NAPA: variants seen among roughly 807,000 people sequenced by gnomAD.
NAPA encodes NSF attachment protein alpha.
In NAPA, 18 loss-of-function variants were observed where a neutral mutation model predicts 48.0. That is an observed-to-expected ratio of 0.38 (90% CI 0.26 to 0.56). The LOEUF is 0.56. NAPA is among the 20% of genes least tolerant of loss of function. The pLI, the probability that NAPA is intolerant of heterozygous loss-of-function variation, is 0.77. For missense variants in NAPA, 315 were observed against 385.0 expected (o/e 0.82, Z 1.52); for synonymous variants, 152 against 149.9 (o/e 1.01, Z -0.10).
intron 9 of NAPA, among the ~76,000 whole-genome samples, chr19:47,490,059 A>T (rs1293434220): frequency 7.7e-6 from 1 of 129,948 alleles, no homozygotes; most frequent in Non-Finnish European, 1.7e-5. Context: ...TGTGTGGTGG[A>T]GGTGTGTGTG....
intron 1 of NAPA, among the ~76,000 whole-genome samples, chr19:47,509,590 C>A (rs967771632): frequency 1.3e-5 from 2 of 152,200 alleles, no homozygotes; most frequent in Admixed American, 1.3e-4. Flanking sequence ...TCAGGCCCCG[C>A]AGAGGACCGA....
intron 3 of NAPA, chr19:47,496,717 G>T: frequency 3.0e-6 from 1 of 333,060 alleles, no homozygotes; most frequent in Admixed American, 3.6e-5. Flanking sequence ...GGGGCTCACG[G>T]TCTGGATGGG....
chr19:47,500,666 C>A lies in NAPA; in HGVS notation c.262G>T (p.Ala88Ser), dbSNP rs751362492. ...KHDAATCFVD[A>S]GNAFKKADPQ... ...TCGGCTTTCTTGAATGCGTTGCCAG[C>A]GTCCACAAAGCAGGTGGCTGCGTCG... is the stretch of plus-strand genomic sequence containing the variant. Residue 88 changes from alanine (A) to serine (S), a missense_variant, in exon 3 of 11, where the codon GCT (alanine) becomes TCT (serine). Physicochemically the swap from Ala to Ser is moderately conservative, Grantham distance 99. Around this residue, in one of 3 missense-constraint regions of NAPA, gnomAD observed 173 missense variants for 213.5 expected, o/e 0.81. Transcript: ENST00000263354. 1.7e-5 allele frequency: 27 copies of A among 1,611,076 alleles called. No homozygotes were observed. Among genetic ancestry groups the A allele is most frequent in the Non-Finnish European group, 2.3e-5 (27 of 1,178,734 alleles).
At chr19:47,488,423 T>A in intron 10 of NAPA, 34 bp from the exon 11 acceptor site, 1 of 1,549,696 alleles carries the variant, frequency 6.5e-7, no homozygotes, top group Non-Finnish European at 8.9e-7. Flanking sequence ...CTGGCCATGC[T>A]CCCCCCGTTC....
intron 3 of NAPA, chr19:47,496,268 C>A (rs1437965371): frequency 6.5e-6 from 1 of 152,956 alleles, no homozygotes; most frequent in Non-Finnish European, 1.5e-5. Flanking sequence ...TCCTGCCACC[C>A]ACCAGCTCCT....
rs1315445430 is a variant in NAPA at position 47,493,375 on chromosome 19, G to A, written c.420+41C>T. On this transcript the variant is annotated intron_variant, in intron 5 of 10. Coordinates refer to ENST00000263354, the MANE Select transcript of NAPA (RefSeq NM_003827.4). This position sits in a 1 kb window ranked among gnomAD's most constrained non-coding sequence, Gnocchi z 6.4. The stretch of plus-strand genomic sequence containing the variant: ...GTGGGAAGAAGAGAGAGCAGCACTG[G>A]TCCTGGCTGCCAGCCCATGCAGGGC... 1.9e-6 allele frequency: 3 copies of A among 1,600,528 alleles called. No individual in the cohort carries two copies. Among genetic ancestry groups the A allele is most frequent in the Admixed American group, 3.3e-5 (2 of 59,994 alleles).
intron 3 of NAPA, among the ~76,000 whole-genome samples, chr19:47,500,261 C>A (rs892273050): frequency 6.6e-6 from 1 of 152,190 alleles, no homozygotes; most frequent in African/African-American, 2.4e-5. Context: ...CCTCCCCGCC[C>A]CCCACACCGC....
At chr19:47,511,315 C>A (rs1194919663) in intron 1 of NAPA, among the ~76,000 whole-genome samples, 1 of 152,166 alleles carries the variant, frequency 6.6e-6, no homozygotes, top group African/African-American at 2.4e-5. Context: ...CCCAAGCTGG[C>A]CTCTGGCTGT....
chr19:47,488,423 T>TCC, intron 10 of NAPA, 34 bp from the exon 11 acceptor site: 1 of 1,549,696 alleles, frequency 6.5e-7, no homozygotes, highest in Non-Finnish European at 8.9e-7. Context: ...CTGGCCATGC[T>TCC]CCCCCCGTTC....
chr19:47,504,268 G>A (rs777900342), intron 1 of NAPA, among the ~76,000 whole-genome samples: 5 of 151,894 alleles, frequency 3.3e-5, no homozygotes, highest in East Asian at 1.9e-4. Context: ...GATGGTGCAC[G>A]CCTGTAGTCC....
chr19:47,492,890 C>T (rs1968315225), intron 7 of NAPA, 71 bp downstream of exon 7: 3 of 1,475,672 alleles, frequency 2.0e-6, no homozygotes, highest in African/African-American at 1.4e-5. Context: ...GAACAAGGTG[C>T]CGGGGCTTAG....
intron 7 of NAPA, 87 bp downstream of exon 7, chr19:47,492,874 G>A (rs777700366): frequency 7.7e-7 from 1 of 1,302,786 alleles, no homozygotes; most frequent in Non-Finnish European, 1.1e-6. Flanking sequence ...GGGAGGGGTG[G>A]TTCCAGAACA....
intron 3 of NAPA, among the ~76,000 whole-genome samples, chr19:47,500,009 A>G (rs774688692): frequency 6.6e-6 from 1 of 152,246 alleles, no homozygotes; most frequent in Non-Finnish European, 1.5e-5. Flanking sequence ...ACATGCAAGC[A>G]AACACTGGGC....
intron 1 of NAPA, among the ~76,000 whole-genome samples, chr19:47,509,330 A>G (rs1023187714): frequency 7.2e-5 from 10 of 138,472 alleles, no homozygotes; most frequent in African/African-American, 1.0e-4. Flanking sequence ...AAAATAAAAT[A>G]AAATAAAATA....
At chr19:47,490,042 GGTGTGGTGTGTGGTGGAGGTGTGTGTGT>G (rs1490694766) in intron 9 of NAPA, among the ~76,000 whole-genome samples, 1 of 151,096 alleles carries the variant, frequency 6.6e-6, no homozygotes, top group Non-Finnish European at 1.5e-5. Flanking sequence ...GTGTGTGTTG[GGTGTGGTGTGTGGTGGAGGTGTGTGTGT>G]GTGTGGTGTG....
At chr19:47,514,620 C>T (rs776925710) in intron 1 of NAPA, among the ~76,000 whole-genome samples, 5 of 152,218 alleles carry the variant, frequency 3.3e-5, no homozygotes, top group Non-Finnish European at 7.3e-5. Flanking sequence ...GCCCAAATCC[C>T]TTCCGCCATG....
At chr19:47,495,678 C>T (rs763239994) in intron 3 of NAPA, 82 bp from the exon 4 acceptor site, 30 of 1,356,938 alleles carry the variant, frequency 2.2e-5, no homozygotes, top group African/African-American at 5.7e-5. Context: ...CGGACGCAGG[C>T]GCACCTGGCT....
At chr19:47,504,725 A>G (rs528284972) in intron 1 of NAPA, among the ~76,000 whole-genome samples, 1 of 152,146 alleles carries the variant, frequency 6.6e-6, no homozygotes, top group East Asian at 1.9e-4. Flanking sequence ...CTATACATTT[A>G]CACATACACA....
At chr19:47,497,684 C>A (rs1207950853) in intron 3 of NAPA, among the ~76,000 whole-genome samples, 3 of 152,368 alleles carry the variant, frequency 2.0e-5, no homozygotes, top group Middle Eastern at 3.4e-3. Flanking sequence ...TCCCCGCAGT[C>A]ACTCCTACCA....
Sources: allele counts gnomAD v4.1 joint callset (sites outside exome capture counted in the v4.1 genomes callset), GRCh38; gene constraint gnomAD v4.1.1; regional missense constraint gnomAD v4.1.1; non-coding constraint Gnocchi (gnomAD v3.1); transcripts MANE v1.5; gene names NCBI Gene and HGNC (gene_info 2026-07-23, HGNC 2026-07-21).